Variants in SETD5 observed in about 807,000 individuals in gnomAD.
SETD5 encodes histone-lysine N-methyltransferase SETD5.
SETD5 carries 44 observed loss-of-function variants against 153.3 expected under a neutral mutation model. That is an observed-to-expected ratio of 0.29 (90% CI 0.23 to 0.37). SETD5 has a LOEUF of 0.37. Ranked by LOEUF, SETD5 falls within the 10% of genes least tolerant of loss-of-function variation. The probability of loss-of-function intolerance (pLI) is 1.00; values close to 1 mark genes in which losing one functional copy is unlikely to be tolerated. For synonymous variants in SETD5, 716 were observed against 645.2 expected, an observed-to-expected ratio of 1.11 and a Z score of -1.66; for missense variants, 1,544 against 1,768.0, an observed-to-expected ratio of 0.87 and a Z score of 2.27.
intron 1 of SETD5, chr3:9,398,320 CT>C (rs2034066017): frequency 2.0e-5 from 3 of 152,032 alleles, no homozygotes; most frequent in Admixed American, 2.0e-4. Context: ...GGAGAGGCCT[CT>C]TGCTGCCCTC....
chr3:9,439,319 T>C (rs2040987638), intron 7 of SETD5, among the ~76,000 whole-genome samples: 2 of 152,186 alleles, frequency 1.3e-5, no homozygotes, highest in Non-Finnish European at 2.9e-5. Flanking sequence ...TCTTCTATAC[T>C]CCTGTTCCTT....
intron 2 of SETD5, among the ~76,000 whole-genome samples, chr3:9,426,700 G>A (rs570742377): frequency 7.2e-4 from 110 of 151,958 alleles, no homozygotes; most frequent in African/African-American, 2.6e-3. Flanking sequence ...GCGCACACCA[G>A]GTAAATTTTG....
intron 9 of SETD5, among the ~76,000 whole-genome samples, 191 bp downstream of exon 9, chr3:9,441,932 C>A (rs1269985469): frequency 1.3e-5 from 2 of 152,206 alleles, no homozygotes; most frequent in African/African-American, 2.4e-5. Flanking sequence ...AAAATGGTGA[C>A]ACCTCCTTTC....
chr3:9,466,359 G>T (rs1244281825), intron 18 of SETD5, among the ~76,000 whole-genome samples: 2 of 151,098 alleles, frequency 1.3e-5, no homozygotes, highest in East Asian at 1.9e-4. Context: ...TCAGTACTCA[G>T]TGTGTTCCTT....
At chr3:9,431,804 T>C (rs1358826349) in intron 3 of SETD5, 5 of 882,088 alleles carry the variant, frequency 5.7e-6, no homozygotes, top group Non-Finnish European at 1.4e-6. Flanking sequence ...TTTGATTTCA[T>C]GCAACTTTCC....
chr3:9,407,042 A>G (rs1043860183), intron 1 of SETD5, among the ~76,000 whole-genome samples: 10 of 152,214 alleles, frequency 6.6e-5, no homozygotes, highest in African/African-American at 2.4e-4. Flanking sequence ...AAGTTGCTGT[A>G]GCCAGCCAGG....
At chr3:9,433,237 G>T in intron 3 of SETD5, 1 of 466,490 alleles carries the variant, frequency 2.1e-6, no homozygotes, top group Non-Finnish European at 3.5e-6. Flanking sequence ...AAATAATTTT[G>T]TCCTTAATAT....
rs1477687957 is a variant in SETD5 at position 9,476,188 on chromosome 3, G to C, written c.*97G>C. 1.4e-5 allele frequency: 20 copies of C among 1,457,212 alleles called. No individual in the cohort carries two copies. The highest frequency in any genetic ancestry group is 7.3e-5 in the Admixed American group (3 of 41,080). 90.3% of individuals were successfully genotyped at this position (1,457,212 alleles called of 1,614,324 possible). On this transcript the variant is annotated 3_prime_UTR_variant, in exon 23 of 23. Coordinates refer to ENST00000402198, the MANE Select transcript of SETD5 (RefSeq NM_001080517.3). ...GGCCGAGCATATTGCTGAGGAACGG[G>C]GGGTACAAGGTGCCAGAGGATTGGG...
chr3:9,464,771 C>T (rs2044364679), intron 18 of SETD5, 99 bp downstream of exon 18: 3 of 1,568,012 alleles, frequency 1.9e-6, no homozygotes, highest in African/African-American at 1.3e-5. Context: ...TCTTTACTAT[C>T]TTTCTTCCCC....
intron 18 of SETD5, among the ~76,000 whole-genome samples, chr3:9,465,573 C>T (rs60771966): frequency 0.074 from 11,264 of 152,188 alleles, 551 homozygotes; most frequent in Middle Eastern, 0.13. Flanking sequence ...ACATTTTAAC[C>T]AATCTTACGT....
chr3:9,408,112 C>T (rs1305277252), intron 1 of SETD5, among the ~76,000 whole-genome samples: 2 of 152,174 alleles, frequency 1.3e-5, no homozygotes, highest in African/African-American at 4.8e-5. Context: ...CCGTTTCACT[C>T]TCAAAAATGT....
intron 16 of SETD5, 124 bp downstream of exon 16, chr3:9,448,754 G>C: frequency 1.1e-6 from 1 of 918,964 alleles, no homozygotes; most frequent in Admixed American, 3.2e-5. Context: ...GCCCATGTGA[G>C]TTTATAATGA....
Position 9,435,766 on chromosome 3 carries a change from C to T in SETD5, c.427C>T (p.Leu143Phe). The stretch of plus-strand genomic sequence containing the variant: ...TGCAACAGAAAGCTGGGATGAGGAG[C>T]TTTCTCCTTCCACTGTGTTGTATAC... ...SSATESWDEELSPSTVLYTAT... is the reference protein window; with the variant it reads ...SSATESWDEEFSPSTVLYTAT... The change falls in exon 7 of 23, where the codon CTT becomes TTT. Residue 143 changes from leucine to phenylalanine, a missense_variant. Leu to Phe is a conservative substitution (Grantham distance 22, BLOSUM62 0). Transcript: ENST00000402198. The T allele has an allele frequency of 6.2e-7, 1 of 1,600,748 alleles. No homozygotes were observed. Among genetic ancestry groups the T allele is most frequent in the Non-Finnish European group, 8.5e-7 (1 of 1,174,168 alleles).
intron 2 of SETD5, among the ~76,000 whole-genome samples, chr3:9,425,062 T>C (rs1220994670): frequency 6.9e-6 from 1 of 144,474 alleles, no homozygotes; most frequent in South Asian, 2.2e-4. Context: ...TTTCTTTTTT[T>C]TTTTTTTTTT....
At chr3:9,413,637 G>A (rs1232023453) in intron 1 of SETD5, among the ~76,000 whole-genome samples, 2 of 132,820 alleles carry the variant, frequency 1.5e-5, no homozygotes, top group South Asian at 2.5e-4. Context: ...TTCTTCGGGT[G>A]GGGGGAGGCG....
intron 17 of SETD5, among the ~76,000 whole-genome samples, chr3:9,462,026 T>C (rs1296617209): frequency 2.0e-5 from 3 of 152,212 alleles, no homozygotes; most frequent in Admixed American, 6.5e-5. Context: ...TCCTGAGATA[T>C]CAGAAAGGAA....
chr3:9,437,047 T>C (rs1005344667), intron 7 of SETD5, among the ~76,000 whole-genome samples: 1 of 152,222 alleles, frequency 6.6e-6, no homozygotes, highest in Non-Finnish European at 1.5e-5. Flanking sequence ...TTCTCCAAAG[T>C]AGATTTTCTT....
Position 9,470,500 on chromosome 3 carries a change from C to T in SETD5, c.2766C>T (p.Tyr922=), listed in dbSNP as rs375509474. Reference sequence around the variant, plus strand: ...ACCTGGATTTGGCAAAAGTAGGATACCTTGACTCCAACACTAACAGCTGTG... The same window carrying T: ...ACCTGGATTTGGCAAAAGTAGGATATCTTGACTCCAACACTAACAGCTGTG... ...RKDLDLAKVG[Y]LDSNTNSCAD... Residue 922 remains tyrosine (Y), a synonymous_variant, in exon 19 of 23, where the codon TAC becomes TAT. Coordinates refer to ENST00000402198, the MANE Select transcript of SETD5 (RefSeq NM_001080517.3). The T allele has an allele frequency of 4.3e-6, 7 of 1,613,616 alleles. No homozygotes were observed. Among genetic ancestry groups the T allele is most frequent in the Non-Finnish European group, 5.9e-6 (7 of 1,179,742 alleles).
intron 8 of SETD5, among the ~76,000 whole-genome samples, chr3:9,440,923 G>A (rs1176569215): frequency 6.6e-6 from 1 of 152,132 alleles, no homozygotes; most frequent in Non-Finnish European, 1.5e-5. Flanking sequence ...GATGAATTGA[G>A]GCTGTGTGCA....
Sources: gnomAD v4.1 joint callset for allele counts (sites outside exome capture counted in the v4.1 genomes callset) on GRCh38, gnomAD v4.1.1 for gene constraint, MANE v1.5 for transcripts, NCBI Gene and HGNC (gene_info 2026-07-23, HGNC 2026-07-21) for gene names.